The following BLTP1 variants were observed in gnomAD, a reference collection of about 807,000 sequenced individuals.
The protein encoded by BLTP1 is fragile site-associated protein.
the BLTP1 span, chr4:122,187,404 C>A: frequency 6.2e-7 from 1 of 1,608,710 alleles, no homozygotes; most frequent in South Asian, 1.1e-5. Flanking sequence ...TTTTCTTATT[C>A]ATGTCAGTTT....
At chr4:122,170,878 A>AT in the BLTP1 span, 1 of 572,908 alleles carries the variant, frequency 1.7e-6, no homozygotes. Flanking sequence ...GAAGATTGTT[A>AT]TTTATATTTC....
chr4:122,220,535 C>A, the BLTP1 span: 1 of 1,345,692 alleles, frequency 7.4e-7, no homozygotes, highest in Non-Finnish European at 1.0e-6. Context: ...TGGGTTAAAA[C>A]AATGTATTAG....
the BLTP1 span, chr4:122,167,875 C>G: frequency 4.1e-6 from 4 of 985,234 alleles, no homozygotes; most frequent in African/African-American, 7.0e-5. Context: ...GAGGAAACAA[C>G]CAGTTTGTAT....
chr4:122,239,489 T>TGGTAATA, the BLTP1 span: 4 of 1,478,768 alleles, frequency 2.7e-6, no homozygotes, highest in Non-Finnish European at 3.6e-6. Flanking sequence ...GTATAGAAAA[T>TGGTAATA]GGTAATAGCT....
chr4:122,184,716 G>T, the BLTP1 span: 1 of 985,082 alleles, frequency 1.0e-6, no homozygotes, highest in Non-Finnish European at 1.2e-6. Flanking sequence ...TTAACAACTG[G>T]TACTATACAG....
the BLTP1 span, among the ~76,000 whole-genome samples, chr4:122,295,744 C>T: frequency 6.6e-6 from 1 of 152,060 alleles, no homozygotes; most frequent in African/African-American, 2.4e-5. Context: ...GCTTATCCAC[C>T]ACAATCAAGT....
chr4:122,188,670 T>G, the BLTP1 span, among the ~76,000 whole-genome samples: 7 of 151,940 alleles, frequency 4.6e-5, no homozygotes, highest in Non-Finnish European at 8.8e-5. Context: ...ATAGGAATGA[T>G]GTACACTAGA....
chr4:122,331,603 T>C, the BLTP1 span: 1 of 1,517,504 alleles, frequency 6.6e-7, no homozygotes, highest in Non-Finnish European at 8.8e-7. Context: ...TATTCATATA[T>C]CACTGAATTA....
the BLTP1 span, among the ~76,000 whole-genome samples, chr4:122,265,295 C>T: frequency 6.6e-6 from 1 of 152,138 alleles, no homozygotes; most frequent in African/African-American, 2.4e-5. Context: ...TTCTAGATTA[C>T]TTATAATACC....
chr4:122,310,962 C>T, the BLTP1 span: 3 of 844,082 alleles, frequency 3.6e-6, no homozygotes, highest in Non-Finnish European at 4.3e-6. Context: ...TTATTTTACA[C>T]AATAGTTATA....
At chr4:122,346,871 T>C in the BLTP1 span, 1 of 1,492,536 alleles carries the variant, frequency 6.7e-7, no homozygotes, top group Non-Finnish European at 8.9e-7. Context: ...CGTTCAGTCA[T>C]TCAAGAAATG....
At chr4:122,199,566 A>G in the BLTP1 span, 1 of 856,948 alleles carries the variant, frequency 1.2e-6, no homozygotes, top group Non-Finnish European at 1.8e-6. Flanking sequence ...TTCTAGTTCA[A>G]GAACAGCTAG....
the BLTP1 span, chr4:122,206,177 A>G: frequency 9.4e-6 from 5 of 530,206 alleles, no homozygotes; most frequent in East Asian, 4.4e-4. Context: ...TTCATTCACC[A>G]TTGTAGTCCT....
chr4:122,325,838 T>C, the BLTP1 span: 1 of 1,087,964 alleles, frequency 9.2e-7, no homozygotes, highest in Non-Finnish European at 1.2e-6. Flanking sequence ...TTTACTTTTC[T>C]CATTATTTTA....
At chr4:122,312,251 G>T in the BLTP1 span, among the ~76,000 whole-genome samples, 5 of 152,062 alleles carry the variant, frequency 3.3e-5, no homozygotes, top group Non-Finnish European at 7.4e-5. Flanking sequence ...GCCCAGGCTG[G>T]TCATGAACTC....
chr4:122,333,555 C>A, the BLTP1 span: 4 of 1,456,344 alleles, frequency 2.7e-6, no homozygotes, highest in Admixed American at 5.7e-5. Flanking sequence ...GAGTAGGTTG[C>A]GAAAAGTTTG....
At chr4:122,154,403 A>T in the BLTP1 span, 1 of 984,722 alleles carries the variant, frequency 1.0e-6, no homozygotes. Flanking sequence ...GTAACCTGTT[A>T]GTCATTTTAC....
the BLTP1 span, chr4:122,229,349 C>T: frequency 2.2e-5 from 18 of 815,738 alleles, no homozygotes; most frequent in Admixed American, 1.2e-4. Context: ...CAGACAGCCA[C>T]AAAATTTTAG....
chr4:122,214,028 TTAA>T, the BLTP1 span: 1 of 175,190 alleles, frequency 5.7e-6, no homozygotes, highest in East Asian at 1.9e-4. Context: ...AAAAATAATT[TTAA>T]TAATCTTGAA....
Sources: gnomAD v4.1 joint callset for allele counts (sites outside exome capture counted in the v4.1 genomes callset) on GRCh38, gnomAD v4.1.1 for gene constraint, MANE v1.5 for transcripts, NCBI Gene and HGNC (gene_info 2026-07-23, HGNC 2026-07-21) for gene names.